The following PLCG2 variants were observed in gnomAD, a reference collection of about 807,000 sequenced individuals.
PLCG2 encodes 1-phosphatidylinositol 4,5-bisphosphate phosphodiesterase gamma-2.
In PLCG2, 69 loss-of-function variants were observed where a neutral mutation model predicts 175.6. The observed-to-expected ratio is 0.39, with a 90% CI of 0.32 to 0.48. The LOEUF is 0.48. Among genes scored for constraint, PLCG2 ranks in the 20% least tolerant of loss-of-function variants. PLCG2 has a pLI of 0.91. For missense variants in PLCG2, 1,798 were observed against 1,650.9 expected, an observed-to-expected ratio of 1.09 and a Z score of -1.54; for synonymous variants, 827 against 624.0, an observed-to-expected ratio of 1.33 and a Z score of -4.85.
chr16:81,741,231 T>C (rs976901405), intron 1 of PLCG2, among the ~76,000 whole-genome samples: 10 of 152,206 alleles, frequency 6.6e-5, no homozygotes, highest in African/African-American at 2.4e-4. Flanking sequence ...ATACCTGCTG[T>C]GTGCCAGGTA....
intron 31 of PLCG2, among the ~76,000 whole-genome samples, chr16:81,948,828 C>A (rs1911255653): frequency 6.6e-6 from 1 of 152,078 alleles, no homozygotes; most frequent in African/African-American, 2.4e-5. Flanking sequence ...ACTGAACACA[C>A]AAAACCATGA....
At position 81,898,023 on chromosome 16, in the gene PLCG2, A is replaced by C. The variant is rs376024516; in HGVS notation, c.1193+2096A>C. ...GGGGTCCTAGCCCTTCTAAGTGCCA[A>C]CCTCCATCAGGCAGATGGAAGGAGC... On this transcript the variant is annotated intron_variant, in intron 13 of 32. Coordinates refer to ENST00000564138, the MANE Select transcript of PLCG2 (RefSeq NM_002661.5). 3.4e-5 allele frequency: 12 copies of C among 354,618 alleles called. No homozygotes were observed. The East Asian group carries it at 8.7e-4, about 26-fold the overall frequency. 22.0% of individuals were successfully genotyped at this position (354,618 alleles called of 1,614,324 possible). A position where few individuals can be genotyped will look rare whatever the true frequency, so the allele number is the denominator to read the frequency against.
intron 1 of PLCG2, among the ~76,000 whole-genome samples, chr16:81,782,951 G>C (rs1851984128): frequency 6.6e-6 from 1 of 152,200 alleles, no homozygotes; most frequent in African/African-American, 2.4e-5. Flanking sequence ...CCTGTGAGCA[G>C]CTATTACAAA....
chr16:81,910,471 A>G (rs774918855), intron 17 of PLCG2, 49 bp from the exon 18 acceptor site: 10 of 1,562,558 alleles, frequency 6.4e-6, no homozygotes, highest in Non-Finnish European at 7.9e-6. Flanking sequence ...GGCTGCCGCA[A>G]TGGCCTGGCC....
chr16:81,769,042 T>C (rs1359769675), intron 2 of PLCG2, among the ~76,000 whole-genome samples: 1 of 152,198 alleles, frequency 6.6e-6, no homozygotes, highest in African/African-American at 2.4e-5. Context: ...TGCTGTGGGC[T>C]GATTGAATGA....
intron 2 of PLCG2, among the ~76,000 whole-genome samples, chr16:81,763,831 G>C (rs1910089392): frequency 6.6e-6 from 1 of 151,858 alleles, no homozygotes; most frequent in Admixed American, 6.6e-5. Context: ...GCTGGGCGTG[G>C]TGGCAGGCAC....
At chr16:81,885,053 AT>A (rs36126447) in intron 9 of PLCG2, among the ~76,000 whole-genome samples, 79,384 of 139,124 alleles carry the variant, frequency 0.57, 21,643 homozygotes, top group Admixed American at 0.66. Context: ...ATGCCTGACA[AT>A]TTTTTTTTTT....
rs1355611344 is a variant in PLCG2, at chr16:81,958,443, T to A, written c.*445T>A. On this transcript the variant is annotated 3_prime_UTR_variant, in exon 33 of 33. Coordinates refer to ENST00000564138, the MANE Select transcript of PLCG2 (RefSeq NM_002661.5). ...ACTATTCATGAGATTCTGAAAAGGA[T>A]TTTAACTCAAAGGCAAATGATTCCA... 4.1e-6 allele frequency: 1 copy of A among 241,492 alleles called. No individual in the cohort carries two copies. The highest frequency in any genetic ancestry group is 8.1e-6 in the Non-Finnish European group (1 of 123,516). The allele number at this position is 241,492 out of a possible 1,614,324, so 15.0% of individuals were successfully genotyped here. A position where few individuals can be genotyped will look rare whatever the true frequency, so the allele number is the denominator to read the frequency against.
chr16:81,932,247 T>G (rs1910532569), intron 25 of PLCG2, among the ~76,000 whole-genome samples: 1 of 110,968 alleles, frequency 9.0e-6, no homozygotes, highest in South Asian at 3.8e-4. Context: ...GACTGGAGTT[T>G]GCATCCTGGC....
chr16:81,885,167 C>T (rs554414948), intron 9 of PLCG2, among the ~76,000 whole-genome samples: 14 of 152,142 alleles, frequency 9.2e-5, no homozygotes, highest in African/African-American at 3.4e-4. Flanking sequence ...GCTGGGATTG[C>T]AGGCGTCTGC....
At chr16:81,949,215 G>A (rs530604563) in intron 31 of PLCG2, among the ~76,000 whole-genome samples, 31 of 152,264 alleles carry the variant, frequency 2.0e-4, no homozygotes, top group African/African-American at 7.5e-4. Context: ...AACAGACGGT[G>A]GAGAGCTATT....
intron 9 of PLCG2, among the ~76,000 whole-genome samples, chr16:81,888,824 C>A (rs186629977): frequency 6.0e-4 from 91 of 152,290 alleles, no homozygotes; most frequent in African/African-American, 2.1e-3. Context: ...TATAGCTGAC[C>A]ACTTGTTTTT....
chr16:81,946,245 T>G lies in PLCG2; in HGVS notation c.3552T>G (p.Cys1184Trp). The change falls in exon 31 of 33, where the codon TGT becomes TGG. Residue 1184 changes from cysteine (C) to tryptophan (W), a missense_variant. Transcript: ENST00000564138. ...AGCTGGCTTCCCTCCTGGTTTTCTG[T>G]GAGATGCGGCCAGTCCTGGTGAGTG... The part of the protein sequence containing the change: ...DIELASLLVF[C>W]EMRPVLESEE... The G allele has an allele frequency of 6.2e-7, 1 of 1,613,560 alleles. No individual in the cohort carries two copies. Among genetic ancestry groups the G allele is most frequent in the Non-Finnish European group, 8.5e-7 (1 of 1,179,506 alleles).
chr16:81,912,038 C>A (rs1909649273), intron 18 of PLCG2, among the ~76,000 whole-genome samples: 1 of 152,062 alleles, frequency 6.6e-6, no homozygotes. Flanking sequence ...ACCTCATGAT[C>A]CACCCGCCTC....
intron 2 of PLCG2, among the ~76,000 whole-genome samples, chr16:81,844,016 G>T (rs1397868038): frequency 2.7e-5 from 4 of 150,228 alleles, no homozygotes; most frequent in Admixed American, 6.6e-5. Context: ...TTGCTCTGTG[G>T]CCCAGGCTGG....
chr16:81,817,033 G>C (rs1472222881), intron 2 of PLCG2, among the ~76,000 whole-genome samples: 1 of 152,140 alleles, frequency 6.6e-6, no homozygotes, highest in African/African-American at 2.4e-5. Flanking sequence ...TTAGATGCTG[G>C]GGAAATAGAG....
At chr16:81,757,852 A>T (rs1318901810) in intron 2 of PLCG2, among the ~76,000 whole-genome samples, 1 of 150,428 alleles carries the variant, frequency 6.6e-6, no homozygotes, top group African/African-American at 2.4e-5. Flanking sequence ...TTACTCATCT[A>T]CTTTCTTTCT....
In PLCG2 at chr16:81,928,540, T is replaced by G; in HGVS notation, c.2515-18T>G. 3.9e-6 allele frequency: 6 copies of G among 1,543,562 alleles called. No individual in the cohort carries two copies. The highest frequency in any genetic ancestry group is 5.4e-6 in the Non-Finnish European group (6 of 1,115,586). ...TTCCCGTTACAACTAACGTGAGTTA[T>G]GTCTTGTTTCTTCACAGATTATTGA... On this transcript the variant is annotated intron_variant, in intron 23 of 32. Coordinates refer to ENST00000564138, the MANE Select transcript of PLCG2 (RefSeq NM_002661.5).
In PLCG2 at chr16:81,859,299, T is replaced by C. The variant is rs947251511; in HGVS notation, c.479+136T>C. Reference sequence around the variant, plus strand: ...CGTCCATTGTGATCTGCGGATGCCATGTTGGGTCCTGGGGTTGAGGATGAC... The same window carrying C: ...CGTCCATTGTGATCTGCGGATGCCACGTTGGGTCCTGGGGTTGAGGATGAC... On this transcript the variant is annotated intron_variant, in intron 5 of 32. Coordinates refer to ENST00000564138, the MANE Select transcript of PLCG2 (RefSeq NM_002661.5). The C allele has an allele frequency of 1.4e-5, 9 of 624,530 alleles. No homozygotes were observed. The African/African-American group carries it at 1.7e-4, about 12-fold the overall frequency. 38.7% of individuals were successfully genotyped at this position (624,530 alleles called of 1,614,324 possible). A position where few individuals can be genotyped will look rare whatever the true frequency, so the allele number is the denominator to read the frequency against.
Sources: allele counts gnomAD v4.1 joint callset (sites outside exome capture counted in the v4.1 genomes callset), GRCh38; gene constraint gnomAD v4.1.1; transcripts MANE v1.5; gene names NCBI Gene and HGNC (gene_info 2026-07-23, HGNC 2026-07-21).